MARS1: variants seen among roughly 807,000 people sequenced by gnomAD.
MARS1 encodes methionyl-tRNA synthetase 1.
Under a neutral mutation model 119.5 loss-of-function variants are expected in MARS1, and 80 were observed. That is an observed-to-expected ratio of 0.67 (90% CI 0.56 to 0.81). The LOEUF (loss-of-function observed/expected upper bound fraction) is 0.81, where lower values mean the gene tolerates loss of function less well. Among genes scored for constraint, MARS1 ranks in the 30% least tolerant of loss-of-function variants. The pLI is 0.00. For missense variants in MARS1, 945 were observed against 1,116.5 expected (o/e 0.85, Z 2.19); for synonymous variants, 418 against 433.4 (o/e 0.96, Z 0.44).
At chr12:57,510,088 C>T (rs949983450) in intron 11 of MARS1, among the ~76,000 whole-genome samples, 5 of 152,094 alleles carry the variant, frequency 3.3e-5, no homozygotes, top group African/African-American at 9.7e-5. Flanking sequence ...CACAGCTCAC[C>T]GCACTCTCAA....
At position 57,515,927 on chromosome 12, in the gene MARS1, C is replaced by G. The variant is rs1458630267; in HGVS notation, c.2399C>G (p.Pro800Arg). 6.2e-7 allele frequency: 1 copy of G among 1,613,850 alleles called. No individual in the cohort carries two copies. ...PAGHQIGTVS[P>R]LFQKLENDQI... is the part of the protein sequence containing the mutation. ...GGAACTCTTTTTTTACAGGTCAGTCCCTTGTTCCAAAAATTGGAAAATGAC... is the reference window on the plus strand; with the variant it reads ...GGAACTCTTTTTTTACAGGTCAGTCGCTTGTTCCAAAAATTGGAAAATGAC... Residue 800 changes from proline to arginine, a missense_variant, in exon 19 of 21, where the codon CCC (proline) becomes CGC (arginine). Physicochemically the swap from Pro to Arg is moderately radical, Grantham distance 103. Coordinates refer to ENST00000262027, the MANE Select transcript of MARS1 (RefSeq NM_004990.4).
chr12:57,500,579 C>T lies in MARS1; in HGVS notation c.1293+57C>T, dbSNP rs1030298126. The T allele has an allele frequency of 4.2e-5, 63 of 1,508,678 alleles. No individual in the cohort carries two copies. The African/African-American group carries it at 5.2e-4, about 12-fold the overall frequency. The allele number at this position is 1,508,678 out of a possible 1,614,324, so 93.5% of individuals were successfully genotyped here. ...GGAGACAGTCCTTATTCTTAAGGGA[C>T]GCCCTTCCTGTCCCATTTAGGATTT... On this transcript the variant is annotated intron_variant, in intron 10 of 20. Transcript: ENST00000262027.
Position 57,489,335 on chromosome 12 carries a change from C to A in MARS1, c.269C>A (p.Thr90Lys), listed in dbSNP as rs1295907278. Residue 90 changes from threonine (T) to lysine (K), a missense_variant, in exon 3 of 21, where the codon ACA (threonine) becomes AAA (lysine). Coordinates refer to ENST00000262027, the MANE Select transcript of MARS1 (RefSeq NM_004990.4). ...LTNQWLEWEA[T>K]ELQPALSAAL... ...AACCAGTGGCTGGAATGGGAAGCGA[C>A]AGAGCTGCAGGTAGGACTAAGGTAT... The A allele has an allele frequency of 1.2e-6, 2 of 1,613,982 alleles. No homozygotes were observed. Among genetic ancestry groups the A allele is most frequent in the Non-Finnish European group, 1.7e-6 (2 of 1,180,034 alleles).
In MARS1 at chr12:57,493,854, AT is replaced by A. The variant is rs1426996890; in HGVS notation, c.770+3211del. ...TTATATATTATAATATATAATATAT[AT>A]ATTTATATTATATAATATATATAAT... On this transcript the variant is annotated intron_variant, in intron 7 of 20. Coordinates refer to ENST00000262027, the MANE Select transcript of MARS1 (RefSeq NM_004990.4). Among the ~76,000 whole-genome samples the A allele has an allele frequency of 1.2e-3, 6 of 5,022 alleles. No individual in the cohort carries two copies. The Non-Finnish European group carries it at 0.02, about 17-fold the overall frequency. 3.3% of individuals were successfully genotyped at this position (5,022 alleles called of 152,430 possible). A position where few individuals can be genotyped will look rare whatever the true frequency, so the allele number is the denominator to read the frequency against.
intron 19 of MARS1, 84 bp downstream of exon 19, chr12:57,516,075 A>G (rs777860373): frequency 6.8e-7 from 1 of 1,466,000 alleles, no homozygotes; most frequent in East Asian, 2.3e-5. Flanking sequence ...CTCACCCATC[A>G]CTCTTTCCAT....
chr12:57,496,205 A>G lies in MARS1; in HGVS notation c.771-1952A>G, dbSNP rs577946503. Reference sequence around the variant, plus strand: ...TTTTTTTTTTTTGAAACTGAGTCTCACTAGGATGGAGTGAGTGGCGCAATC... The same window carrying G: ...TTTTTTTTTTTTGAAACTGAGTCTCGCTAGGATGGAGTGAGTGGCGCAATC... On this transcript the variant is annotated intron_variant, in intron 7 of 20. Transcript: ENST00000262027. 7.1e-4 allele frequency among the ~76,000 whole-genome samples: 99 copies of G among 138,732 alleles called. 1 individual carries two copies. Among genetic ancestry groups the G allele is most frequent in the Non-Finnish European group, 1.4e-3 (93 of 65,406 alleles). 91.0% of individuals were successfully genotyped at this position (138,732 alleles called of 152,430 possible). A position where few individuals can be genotyped will look rare whatever the true frequency, so the allele number is the denominator to read the frequency against.
chr12:57,492,712 C>T lies in MARS1; in HGVS notation c.770+2068C>T, dbSNP rs201570711. Among the ~76,000 whole-genome samples the T allele has an allele frequency of 9.6e-4, 136 of 142,114 alleles. No homozygotes were observed. In the East Asian group the frequency reaches 0.015, roughly 16 times the overall value. The allele number at this position is 142,114 out of a possible 152,430, so 93.2% of individuals were successfully genotyped here. ...ACACACACACACACACACACACACA[C>T]ACAGACGTAAACAAATTTGAGACTT... is the stretch of plus-strand genomic sequence containing the variant. On this transcript the variant is annotated intron_variant, in intron 7 of 20. Coordinates refer to ENST00000262027, the MANE Select transcript of MARS1 (RefSeq NM_004990.4).
Position 57,515,314 on chromosome 12 carries a change from C to T in MARS1, c.2369C>T (p.Pro790Leu), listed in dbSNP as rs1042671147. ...CTGACAAACTTCCTGTGTACCTTAC[C>T]AGCAGGACACCAGATTGGCACAGTA... is the stretch of plus-strand genomic sequence containing the variant. The part of the protein sequence containing the change: ...ILLTNFLCTL[P>L]AGHQIGTVSP... Residue 790 changes from proline (P) to leucine (L), a missense_variant, in exon 18 of 21, where the codon CCA becomes CTA. Physicochemically the swap from Pro to Leu is moderately conservative, Grantham distance 98. Transcript: ENST00000262027. The T allele has an allele frequency of 6.2e-7, 1 of 1,613,284 alleles. No individual in the cohort carries two copies. The highest frequency in any genetic ancestry group is 1.7e-5 in the Admixed American group (1 of 60,006).
chr12:57,495,397 C>T (rs1370024708), intron 7 of MARS1, among the ~76,000 whole-genome samples: 9 of 145,750 alleles, frequency 6.2e-5, no homozygotes, highest in Admixed American at 4.7e-4. Flanking sequence ...CCTCACATCT[C>T]AGACGGGGCG....
rs761298972 is a variant in MARS1 at position 57,516,113 on chromosome 12, C to T, written c.2463+122C>T. ...TTTGGCCCTGCCGCTTCCTCACTTA[C>T]AGTTTTTCTTTCCTGTCTTAACTAG... On this transcript the variant is annotated intron_variant, in intron 19 of 20. Coordinates refer to ENST00000262027, the MANE Select transcript of MARS1 (RefSeq NM_004990.4). 2.9e-6 allele frequency: 4 copies of T among 1,369,414 alleles called. No individual in the cohort carries two copies. The East Asian group carries it at 6.9e-5, about 24-fold the overall frequency. 84.8% of individuals were successfully genotyped at this position (1,369,414 alleles called of 1,614,324 possible). A position where few individuals can be genotyped will look rare whatever the true frequency, so the allele number is the denominator to read the frequency against.
chr12:57,488,803 G>A, intron 1 of MARS1: 1 of 847,790 alleles, frequency 1.2e-6, no homozygotes, highest in Non-Finnish European at 1.9e-6. Flanking sequence ...GTCCCCATCT[G>A]TTGCTTCCAG....
rs936514036 is a variant in MARS1 at position 57,513,021 on chromosome 12, C to A, written c.1967+57C>A. ...TGAGCTGGGGTGGGGCTCATTTTCCCTCAGGAGATGGGAATGTGGAGAGAA... is the reference window on the plus strand; with the variant it reads ...TGAGCTGGGGTGGGGCTCATTTTCCATCAGGAGATGGGAATGTGGAGAGAA... On this transcript the variant is annotated intron_variant, in intron 15 of 20. Coordinates refer to ENST00000262027, the MANE Select transcript of MARS1 (RefSeq NM_004990.4). 1.1e-5 allele frequency: 15 copies of A among 1,425,354 alleles called. No individual in the cohort carries two copies. The African/African-American group carries it at 2.1e-4, about 20-fold the overall frequency. 88.3% of individuals were successfully genotyped at this position (1,425,354 alleles called of 1,614,324 possible).
chr12:57,510,110 C>G (rs1877434836), intron 11 of MARS1, among the ~76,000 whole-genome samples: 1 of 152,096 alleles, frequency 6.6e-6, no homozygotes, highest in Admixed American at 6.6e-5. Flanking sequence ...CTCTCGGGCT[C>G]AAGTTATCCT....
rs1458146805 is a variant in MARS1, at chr12:57,489,412, C to T, written c.280-12C>T. On this transcript the variant is annotated splice_polypyrimidine_tract_variant and intron_variant, in intron 3 of 20. Transcript: ENST00000262027. ...TGCGTGGCCATCCTGACTCATGTCC[C>T]CTGCATTTTAGCCAGCTTTGTCTGC... is the stretch of plus-strand genomic sequence containing the variant. The T allele has an allele frequency of 1.2e-6, 2 of 1,614,020 alleles. No homozygotes were observed. Among genetic ancestry groups the T allele is most frequent in the Non-Finnish European group, 8.5e-7 (1 of 1,180,040 alleles).
intron 1 of MARS1, 156 bp from the exon 2 acceptor site, chr12:57,488,863 C>A: frequency 1.3e-6 from 1 of 763,460 alleles, no homozygotes; most frequent in African/African-American, 1.8e-5. Flanking sequence ...CATTCCGGAC[C>A]ACCCCCTTTC....
rs1202214715 is a variant in MARS1, at chr12:57,515,352, A to G, written c.2391+16A>G. ...GATTGGCACAGTAGGTGGAAGAGCC[A>G]GCCTCTCTTAAAATTGATACTCTTG... On this transcript the variant is annotated intron_variant, in intron 18 of 20. Transcript: ENST00000262027. 3 of 1,608,768 alleles carry G rather than the reference A, an allele frequency of 1.9e-6. No individual in the cohort carries two copies. Among genetic ancestry groups the G allele is most frequent in the Non-Finnish European group, 2.5e-6 (3 of 1,178,982 alleles).
In MARS1 at chr12:57,504,306, G is replaced by A. The variant is rs1234125862; in HGVS notation, c.1368+7G>A. The stretch of plus-strand genomic sequence containing the variant: ...GTTTCTGGACCTGCCTAAGGTAAGT[G>A]AGCTTTTCTCTCAACCTAGTTTTCA... On this transcript the variant is annotated splice_region_variant and intron_variant, in intron 11 of 20. Transcript: ENST00000262027. 1 of 1,613,608 alleles carries A rather than the reference G, an allele frequency of 6.2e-7. No homozygotes were observed. Among genetic ancestry groups the A allele is most frequent in the Non-Finnish European group, 8.5e-7 (1 of 1,179,602 alleles).
At chr12:57,504,348 C>T (rs1348921096) in intron 11 of MARS1, 49 bp downstream of exon 11, 59 of 1,445,188 alleles carry the variant, frequency 4.1e-5, no homozygotes, top group Non-Finnish European at 5.7e-5. Flanking sequence ...CTCTTCTGTC[C>T]CCTCTGCCTT....
At chr12:57,507,604 C>T (rs1411661159) in intron 11 of MARS1, among the ~76,000 whole-genome samples, 6 of 130,702 alleles carry the variant, frequency 4.6e-5, no homozygotes, top group African/African-American at 1.4e-4. Flanking sequence ...GCTGGCCGGG[C>T]GGGGGTCTGG....
Sources: allele counts gnomAD v4.1 joint callset (sites outside exome capture counted in the v4.1 genomes callset), GRCh38; gene constraint gnomAD v4.1.1; transcripts MANE v1.5; gene names NCBI Gene and HGNC (gene_info 2026-07-23, HGNC 2026-07-21).